Variants in CHD6 observed in about 807,000 individuals in gnomAD.
CHD6 encodes ATP-dependent chromatin remodeler CHD6.
In CHD6, 50 loss-of-function variants were observed where a neutral mutation model predicts 276.9. The observed-to-expected ratio is 0.18, with a 90% confidence interval of 0.14 to 0.23. The LOEUF is 0.23. Among genes scored for constraint, CHD6 ranks in the 10% least tolerant of loss-of-function variants. CHD6 has a pLI of 1.00. For synonymous variants in CHD6, 1,173 were observed against 1,229.3 expected, an observed-to-expected ratio of 0.95 and a Z score of 0.96; for missense variants, 2,564 against 3,365.8, an observed-to-expected ratio of 0.76 and a Z score of 5.89.
chr20:41,510,065 T>C (rs1418275568), intron 5 of CHD6, among the ~76,000 whole-genome samples: 1 of 152,206 alleles, frequency 6.6e-6, no homozygotes, highest in Non-Finnish European at 1.5e-5. Context: ...GGGGCCATTC[T>C]GGTGCTGACT....
chr20:41,585,968 C>A (rs1428502090), intron 1 of CHD6, among the ~76,000 whole-genome samples: 1 of 152,178 alleles, frequency 6.6e-6, no homozygotes, highest in Non-Finnish European at 1.5e-5. Context: ...TAACTCAGCT[C>A]ACACCTGACC....
At chr20:41,596,475 C>T (rs2045718681) in intron 1 of CHD6, among the ~76,000 whole-genome samples, 1 of 152,004 alleles carries the variant, frequency 6.6e-6, no homozygotes. Flanking sequence ...GAACCATGAT[C>T]CGCAGGGCTG....
chr20:41,511,891 T>C (rs572519800), intron 5 of CHD6, among the ~76,000 whole-genome samples: 2 of 152,224 alleles, frequency 1.3e-5, no homozygotes, highest in Non-Finnish European at 2.9e-5. Context: ...TACATGCTTG[T>C]TGAATTAGAG....
At chr20:41,575,064 A>G (rs1302025598) in intron 1 of CHD6, among the ~76,000 whole-genome samples, 1 of 152,176 alleles carries the variant, frequency 6.6e-6, no homozygotes, top group East Asian at 1.9e-4. Context: ...TGACCTTTGT[A>G]ACTTCACTTC....
intron 36 of CHD6, among the ~76,000 whole-genome samples, chr20:41,407,474 G>A (rs1221320967): frequency 6.6e-6 from 1 of 152,256 alleles, no homozygotes; most frequent in Non-Finnish European, 1.5e-5. Context: ...CCAGGCCTGA[G>A]GGCAGTTAAG....
chr20:41,457,597 C>T (rs1013515885), intron 17 of CHD6, among the ~76,000 whole-genome samples, 169 bp from the exon 18 acceptor site: 6 of 152,212 alleles, frequency 3.9e-5, no homozygotes, highest in Non-Finnish European at 8.8e-5. Flanking sequence ...GGCTGCCACC[C>T]TCCGTGGCCA....
At chr20:41,489,542 C>T (rs1459690473) in intron 12 of CHD6, among the ~76,000 whole-genome samples, 1 of 151,774 alleles carries the variant, frequency 6.6e-6, no homozygotes, top group Non-Finnish European at 1.5e-5. Context: ...GTCAAACTTT[C>T]AGTGTCCTAA....
chr20:41,611,795 G>C (rs1039484480), intron 1 of CHD6, among the ~76,000 whole-genome samples: 3 of 152,058 alleles, frequency 2.0e-5, no homozygotes, highest in Non-Finnish European at 4.4e-5. Flanking sequence ...ATGCCGCCAT[G>C]CTTGGCTAAT....
At position 41,426,118 on chromosome 20, in the gene CHD6, G is replaced by A. The variant is rs761922414; in HGVS notation, c.4104C>T (p.Ser1368=). The change falls in exon 28 of 37, where the codon AGC becomes AGT. Residue 1368 remains serine, a synonymous_variant. Coordinates refer to ENST00000373233, the MANE Select transcript of CHD6 (RefSeq NM_032221.5). ...CTGCCCGGCTGTCATCCTTCTTTTC[G>A]CTAAAAACGCCATCACCTCCATCAC... ...SSSDGGDGVF[S]EKKDDSRAAQ... is the part of the protein sequence containing the mutation. 1.3e-4 allele frequency: 216 copies of A among 1,613,068 alleles called. No individual in the cohort carries two copies. The highest frequency in any genetic ancestry group is 1.7e-4 in the Non-Finnish European group (197 of 1,179,270).
chr20:41,451,962 G>T lies in CHD6; in HGVS notation c.3387C>A (p.Asp1129Glu). The T allele has an allele frequency of 1.2e-6, 2 of 1,614,090 alleles. No individual in the cohort carries two copies. Among genetic ancestry groups the T allele is most frequent in the Non-Finnish European group, 1.7e-6 (2 of 1,179,976 alleles). ...GGAGGGCACGGCAAATCATCTCCAT[G>T]TCCTTCTCGTTCAGATGCCACTTGA... ...GRFKWHLNEKDMEMICRALLV... is the reference protein window; with the variant it reads ...GRFKWHLNEKEMEMICRALLV... The change falls in exon 22 of 37, where the codon GAC becomes GAA. Residue 1129 changes from aspartate (D) to glutamate (E), a missense_variant. By Grantham distance (45) the Asp-to-Glu change is conservative (BLOSUM62 2). Around this residue, in one of 7 missense-constraint regions of CHD6, gnomAD observed 515 missense variants for 739.5 expected, o/e 0.70. Transcript: ENST00000373233.
intron 1 of CHD6, among the ~76,000 whole-genome samples, chr20:41,565,402 T>C (rs1031416419): frequency 3.9e-5 from 6 of 152,168 alleles, no homozygotes; most frequent in Non-Finnish European, 8.8e-5. Flanking sequence ...CTGGATTCTT[T>C]TTAAGTGGCC....
chr20:41,424,488 A>G (rs370270700), intron 29 of CHD6, among the ~76,000 whole-genome samples: 1 of 152,236 alleles, frequency 6.6e-6, no homozygotes, highest in African/African-American at 2.4e-5. Flanking sequence ...TCTTCTCTTT[A>G]GAGATGTGCA....
At chr20:41,413,618 C>T in intron 34 of CHD6, 103 bp from the exon 35 acceptor site, 1 of 996,068 alleles carries the variant, frequency 1.0e-6, no homozygotes, top group Non-Finnish European at 1.4e-6. Flanking sequence ...CCACCTATTT[C>T]CACCCTGATA....
Position 41,417,303 on chromosome 20 carries a change from C to G in CHD6, c.6174G>C (p.Ser2058=). 1 of 1,614,062 alleles carries G rather than the reference C, an allele frequency of 6.2e-7. No homozygotes were observed. The highest frequency in any genetic ancestry group is 8.5e-7 in the Non-Finnish European group (1 of 1,180,014). Residue 2058 remains serine (S), a synonymous_variant, in exon 32 of 37, where the codon TCG becomes TCC. Transcript: ENST00000373233. ...CATCCCCAATGTCTCCTGTGATGCCCGATGTTGAGCTCTTGCTCTCCTCTT... is the reference window on the plus strand; with the variant it reads ...CATCCCCAATGTCTCCTGTGATGCCGGATGTTGAGCTCTTGCTCTCCTCTT... ...YSEEESKSST[S]GITGDIGDEL... is the part of the protein sequence containing the mutation.
intron 17 of CHD6, among the ~76,000 whole-genome samples, chr20:41,457,777 G>A (rs912423851): frequency 6.6e-6 from 1 of 152,204 alleles, no homozygotes; most frequent in Non-Finnish European, 1.5e-5. Flanking sequence ...ATATGCTTCA[G>A]AGCTGGTAGC....
At chr20:41,521,536 G>A (rs2044395839) in intron 3 of CHD6, among the ~76,000 whole-genome samples, 1 of 152,106 alleles carries the variant, frequency 6.6e-6, no homozygotes, top group Non-Finnish European at 1.5e-5. Context: ...ATGTGCATGT[G>A]TATATATACA....
chr20:41,572,052 A>G (rs1446457024), intron 1 of CHD6, among the ~76,000 whole-genome samples: 2 of 152,222 alleles, frequency 1.3e-5, no homozygotes, highest in Admixed American at 6.5e-5. Context: ...GCTATTATTT[A>G]GTCAATACTC....
At chr20:41,594,355 T>C (rs1211229005) in intron 1 of CHD6, among the ~76,000 whole-genome samples, 1 of 152,216 alleles carries the variant, frequency 6.6e-6, no homozygotes, top group East Asian at 1.9e-4. Context: ...AGTGATGTTT[T>C]TGGCATTCTT....
At chr20:41,520,147 T>C (rs923308026) in intron 3 of CHD6, among the ~76,000 whole-genome samples, 6 of 152,086 alleles carry the variant, frequency 3.9e-5, no homozygotes, top group Non-Finnish European at 5.9e-5. Context: ...GTTAGAATGG[T>C]GATCATTAAA....
Sources: allele counts gnomAD v4.1 joint callset (sites outside exome capture counted in the v4.1 genomes callset), GRCh38; gene constraint gnomAD v4.1.1; regional missense constraint gnomAD v4.1.1; transcripts MANE v1.5; gene names NCBI Gene and HGNC (gene_info 2026-07-23, HGNC 2026-07-21).